RAB22A: variants seen among roughly 807,000 people sequenced by gnomAD.
RAB22A encodes the protein RAB22A, member RAS oncogene family, also known as ras-related protein Rab-22A.
A neutral mutation model predicts 30.2 loss-of-function variants in RAB22A; 13 were observed. That is an observed-to-expected ratio of 0.43 (90% confidence interval 0.28 to 0.68). The LOEUF (loss-of-function observed/expected upper bound fraction) is 0.68. Ranked by LOEUF, RAB22A falls within the 30% of genes least tolerant of loss-of-function variation. The probability of loss-of-function intolerance (pLI) is 0.18; values close to 1 mark genes in which losing one functional copy is unlikely to be tolerated. For synonymous variants in RAB22A, 89 were observed against 87.2 expected (o/e 1.02, Z -0.11); for missense variants, 177 against 246.8 (o/e 0.72, Z 1.89).
At chr20:58,345,047 C>G (rs1340087694) in intron 3 of RAB22A, among the ~76,000 whole-genome samples, 1 of 152,112 alleles carries the variant, frequency 6.6e-6, no homozygotes, top group Non-Finnish European at 1.5e-5. Context: ...TGTCGCTTAC[C>G]AGAATCCTGA....
chr20:58,334,183 A>G (rs1326855000), intron 2 of RAB22A, among the ~76,000 whole-genome samples: 2 of 151,936 alleles, frequency 1.3e-5, no homozygotes, highest in Non-Finnish European at 2.9e-5. Context: ...ACACAAAAAA[A>G]CATTAGCTGG....
intron 6 of RAB22A, among the ~76,000 whole-genome samples, chr20:58,356,787 C>T (rs550293844): frequency 2.0e-5 from 3 of 152,182 alleles, no homozygotes; most frequent in Non-Finnish European, 2.9e-5. Flanking sequence ...TTTAGACCAT[C>T]CATGTCATTG....
intron 2 of RAB22A, among the ~76,000 whole-genome samples, chr20:58,341,512 A>G (rs957725851): frequency 3.3e-5 from 5 of 152,162 alleles, no homozygotes; most frequent in African/African-American, 9.7e-5. Flanking sequence ...ACTGGAAGCC[A>G]ACAGCAGAGA....
chr20:58,340,909 A>C (rs888940911), intron 2 of RAB22A, among the ~76,000 whole-genome samples: 14 of 152,176 alleles, frequency 9.2e-5, no homozygotes, highest in African/African-American at 2.9e-4. Flanking sequence ...GAAGAGGAGC[A>C]GTCAGTGGTC....
At chr20:58,358,427 G>A (rs982529926) in intron 6 of RAB22A, among the ~76,000 whole-genome samples, 2 of 152,222 alleles carry the variant, frequency 1.3e-5, no homozygotes, top group African/African-American at 2.4e-5. Context: ...CCGTGACCTA[G>A]CTCTTCCACT....
intron 2 of RAB22A, among the ~76,000 whole-genome samples, chr20:58,313,543 T>A (rs1278298427): frequency 6.6e-6 from 1 of 152,100 alleles, no homozygotes; most frequent in Non-Finnish European, 1.5e-5. Flanking sequence ...ATGGTGGAAC[T>A]CCTGAAAGAG....
At chr20:58,311,195 T>C in intron 2 of RAB22A, 73 bp downstream of exon 2, 1 of 1,336,166 alleles carries the variant, frequency 7.5e-7, no homozygotes, top group Non-Finnish European at 1.1e-6. Flanking sequence ...GTGTTACAGG[T>C]GTAGGCCCTG....
intron 2 of RAB22A, among the ~76,000 whole-genome samples, chr20:58,332,631 C>T (rs1054882820): frequency 6.6e-6 from 1 of 152,080 alleles, no homozygotes; most frequent in Non-Finnish European, 1.5e-5. Context: ...AAGGTGCTGT[C>T]AGTTTCACAA....
At chr20:58,334,296 C>T (rs1255533163) in intron 2 of RAB22A, among the ~76,000 whole-genome samples, 1 of 151,020 alleles carries the variant, frequency 6.6e-6, no homozygotes, top group Non-Finnish European at 1.5e-5. Context: ...GGTGGCACCA[C>T]TGTACTGCAG....
At chr20:58,318,260 C>T (rs566094877) in intron 2 of RAB22A, among the ~76,000 whole-genome samples, 27 of 152,284 alleles carry the variant, frequency 1.8e-4, no homozygotes, top group Admixed American at 1.3e-3. Context: ...AATAGTGTTA[C>T]GAGGCTAAGT....
chr20:58,356,311 CAAAA>C (rs199550503), intron 6 of RAB22A, among the ~76,000 whole-genome samples: 3 of 91,304 alleles, frequency 3.3e-5, no homozygotes, highest in Non-Finnish European at 2.3e-5. Context: ...GACTCCATCT[CAAAA>C]AAAAAAAAAA....
chr20:58,343,088 G>A (rs1986883394), intron 2 of RAB22A, among the ~76,000 whole-genome samples: 2 of 152,172 alleles, frequency 1.3e-5, no homozygotes, highest in Non-Finnish European at 2.9e-5. Flanking sequence ...GGCTCGATGA[G>A]GCCCCAAGGT....
intron 2 of RAB22A, among the ~76,000 whole-genome samples, chr20:58,338,131 A>T (rs1986792285): frequency 6.6e-6 from 1 of 151,956 alleles, no homozygotes; most frequent in Non-Finnish European, 1.5e-5. Flanking sequence ...GGTTCAAGTA[A>T]TTCTCCTGCC....
At position 58,363,976 on chromosome 20, in the gene RAB22A, T is replaced by C. The variant is rs924759593; in HGVS notation, c.*4273T>C. The C allele has an allele frequency of 2.0e-5, 3 of 152,678 alleles. No homozygotes were observed. Among genetic ancestry groups the C allele is most frequent in the Non-Finnish European group, 4.4e-5 (3 of 68,050 alleles). The allele number at this position is 152,678 out of a possible 1,614,324, so 9.5% of individuals were successfully genotyped here. ...TGCGAATTTCTCTTGACAGCGGAGTTGCTTGTCTTGACTTCTAATAATATA... is the reference window on the plus strand; with the variant it reads ...TGCGAATTTCTCTTGACAGCGGAGTCGCTTGTCTTGACTTCTAATAATATA... On this transcript the variant is annotated 3_prime_UTR_variant, in exon 7 of 7. Transcript: ENST00000244040.
chr20:58,320,120 G>A (rs978293257), intron 2 of RAB22A, among the ~76,000 whole-genome samples: 2 of 152,102 alleles, frequency 1.3e-5, no homozygotes, highest in African/African-American at 4.8e-5. Flanking sequence ...AATGAGTTGA[G>A]GAATGTCTTC....
intron 6 of RAB22A, among the ~76,000 whole-genome samples, chr20:58,356,948 A>C (rs570315156): frequency 6.6e-6 from 1 of 152,352 alleles, no homozygotes; most frequent in East Asian, 1.9e-4. Context: ...TTTCCAATTT[A>C]GAGTTATTAC....
intron 2 of RAB22A, among the ~76,000 whole-genome samples, chr20:58,318,772 T>C (rs900183654): frequency 6.6e-6 from 1 of 152,184 alleles, no homozygotes; most frequent in Admixed American, 6.5e-5. Flanking sequence ...TAAAGTTCTC[T>C]CATTGGGAGT....
rs578080633 is a variant in RAB22A, at chr20:58,361,313, C to T, written c.*1610C>T. On this transcript the variant is annotated 3_prime_UTR_variant, in exon 7 of 7. Transcript: ENST00000244040. Reference sequence around the variant, plus strand: ...AAAATAATTGGTATTATTTTGTGCCCCCCACTTAATATGGATAGATTTTAA... The same window carrying T: ...AAAATAATTGGTATTATTTTGTGCCTCCCACTTAATATGGATAGATTTTAA... The T allele has an allele frequency of 6.6e-6, 1 of 152,478 alleles. No homozygotes were observed. The highest frequency in any genetic ancestry group is 2.4e-5 in the African/African-American group (1 of 41,388). The allele number at this position is 152,478 out of a possible 1,614,324, so 9.4% of individuals were successfully genotyped here.
At chr20:58,324,588 G>C (rs1235597199) in intron 2 of RAB22A, among the ~76,000 whole-genome samples, 1 of 152,106 alleles carries the variant, frequency 6.6e-6, no homozygotes, top group Non-Finnish European at 1.5e-5. Context: ...AAAACTTTAG[G>C]CCAGGCACAG....
Sources: allele counts gnomAD v4.1 joint callset (sites outside exome capture counted in the v4.1 genomes callset), GRCh38; gene constraint gnomAD v4.1.1; transcripts MANE v1.5; gene names NCBI Gene and HGNC (gene_info 2026-07-23, HGNC 2026-07-21).